The following ZNF462 variants were observed in gnomAD, a reference collection of about 807,000 sequenced individuals.
ZNF462 encodes zinc finger PBX1-interacting protein.
Under a neutral mutation model 201.9 loss-of-function variants are expected in ZNF462, and 10 were observed. The observed-to-expected ratio is 0.05, with a 90% confidence interval of 0.03 to 0.08. The LOEUF is 0.08. Ranked by LOEUF, ZNF462 falls within the 10% of genes least tolerant of loss-of-function variation. The pLI is 1.00. For missense variants in ZNF462, 2,523 were observed against 3,168.3 expected, an observed-to-expected ratio of 0.80 and a Z score of 4.89; for synonymous variants, 1,227 against 1,193.3, an observed-to-expected ratio of 1.03 and a Z score of -0.58.
intron 7 of ZNF462, among the ~76,000 whole-genome samples, chr9:106,958,245 C>G (rs1831668796): frequency 6.6e-6 from 1 of 152,068 alleles, no homozygotes; most frequent in Admixed American, 6.6e-5. Flanking sequence ...TTTACAGACA[C>G]AGTAAAGGTA....
intron 8 of ZNF462, among the ~76,000 whole-genome samples, chr9:106,973,275 C>T (rs995099549): frequency 6.6e-5 from 10 of 151,630 alleles, no homozygotes; most frequent in Admixed American, 5.3e-4. Flanking sequence ...TGCTTCACAC[C>T]GAGAGGCTGT....
At position 106,919,273 on chromosome 9, in the gene ZNF462, G is replaced by A. The variant is rs1333334699; in HGVS notation, c.-30-4081G>A. On this transcript the variant is annotated intron_variant, in intron 1 of 12. Coordinates refer to ENST00000277225, the MANE Select transcript of ZNF462 (RefSeq NM_021224.6). The surrounding 1 kb of genome is among the most constrained non-coding windows in gnomAD (Gnocchi z 4.5). ...ATGGTGGCGGGCCTGTAAGAATGCT[G>A]TACAATGTCAACACCTCCCCGCTCC... 5.9e-5 allele frequency among the ~76,000 whole-genome samples: 9 copies of A among 152,166 alleles called. No homozygotes were observed. The highest frequency in any genetic ancestry group is 2.2e-4 in the African/African-American group (9 of 41,446).
rs1023627462 is a variant in ZNF462 at position 106,917,840 on chromosome 9, AT to A, written c.-30-5507del. Among the ~76,000 whole-genome samples, 4 of 149,592 alleles carry A rather than the reference AT, an allele frequency of 2.7e-5. No individual in the cohort carries two copies. Among genetic ancestry groups the A allele is most frequent in the South Asian group, 2.1e-4 (1 of 4,758 alleles). On this transcript the variant is annotated intron_variant, in intron 1 of 12. Coordinates refer to ENST00000277225, the MANE Select transcript of ZNF462 (RefSeq NM_021224.6). This position sits in a 1 kb window ranked among gnomAD's most constrained non-coding sequence, Gnocchi z 4.5. Reference sequence around the variant, plus strand: ...TGTTGGTTTATTTTGCTGGTTTATTATTTTTTTATATTTATTTATTTATTTA... The same window carrying A: ...TGTTGGTTTATTTTGCTGGTTTATTATTTTTTATATTTATTTATTTATTTA...
At chr9:106,871,022 A>T (rs1827567358) in intron 1 of ZNF462, among the ~76,000 whole-genome samples, 1 of 152,138 alleles carries the variant, frequency 6.6e-6, no homozygotes, top group Non-Finnish European at 1.5e-5. Flanking sequence ...GTGGGAGCCG[A>T]TGTCCTCTAA....
chr9:106,947,228 A>G (rs1017613777), intron 7 of ZNF462, among the ~76,000 whole-genome samples: 1 of 152,190 alleles, frequency 6.6e-6, no homozygotes, highest in Non-Finnish European at 1.5e-5. Context: ...CTGAGAATTT[A>G]GGGCCCAGCT....
In ZNF462 at chr9:106,935,404, C is replaced by A; in HGVS notation, c.6117-99C>A. 1 of 968,346 alleles carries A rather than the reference C, an allele frequency of 1.0e-6. No homozygotes were observed. The highest frequency in any genetic ancestry group is 1.6e-6 in the Non-Finnish European group (1 of 633,594). The allele number at this position is 968,346 out of a possible 1,614,324, so 60.0% of individuals were successfully genotyped here. On this transcript the variant is annotated intron_variant, in intron 5 of 12. Coordinates refer to ENST00000277225, the MANE Select transcript of ZNF462 (RefSeq NM_021224.6). The surrounding 1 kb of genome is among the most constrained non-coding windows in gnomAD (Gnocchi z 4.1). ...GGAAAGTAAACAAAAGGACTTTGAA[C>A]GACCTAGAAGTAGGATTCCTGGAAA...
At position 107,011,158 on chromosome 9, in the gene ZNF462, A is replaced by C; in HGVS notation, c.*128A>C. 1 of 820,306 alleles carries C rather than the reference A, an allele frequency of 1.2e-6. No homozygotes were observed. The highest frequency in any genetic ancestry group is 1.9e-6 in the Non-Finnish European group (1 of 529,508). 50.8% of individuals were successfully genotyped at this position (820,306 alleles called of 1,614,324 possible). A position where few individuals can be genotyped will look rare whatever the true frequency, so the allele number is the denominator to read the frequency against. ...CAAAGCTGCTTTTTAGGACTGAACAATCTATTTTCAAAGCACTGGTACCTG... is the reference window on the plus strand; with the variant it reads ...CAAAGCTGCTTTTTAGGACTGAACACTCTATTTTCAAAGCACTGGTACCTG... On this transcript the variant is annotated 3_prime_UTR_variant, in exon 13 of 13. Coordinates refer to ENST00000277225, the MANE Select transcript of ZNF462 (RefSeq NM_021224.6). The surrounding 1 kb of genome is among the most constrained non-coding windows in gnomAD (Gnocchi z 5.6).
At chr9:106,959,894 G>A (rs898074900) in intron 7 of ZNF462, among the ~76,000 whole-genome samples, 6 of 152,048 alleles carry the variant, frequency 3.9e-5, no homozygotes, top group African/African-American at 1.4e-4. Flanking sequence ...TTTCTGTGGG[G>A]TGAGTTTGGA....
At chr9:106,931,420 C>T (rs914802909) in intron 4 of ZNF462, among the ~76,000 whole-genome samples, 4 of 152,210 alleles carry the variant, frequency 2.6e-5, no homozygotes, top group Non-Finnish European at 5.9e-5. Flanking sequence ...GGGTTCTGCC[C>T]TTTCTCTAAG....
Position 106,928,624 on chromosome 9 carries a change from A to G in ZNF462, c.4712A>G (p.Lys1571Arg), listed in dbSNP as rs1169031977. The change falls in exon 3 of 13, where the codon AAG (lysine) becomes AGG (arginine). Residue 1571 changes from lysine to arginine, a missense_variant. Physicochemically the swap from Lys to Arg is conservative, Grantham distance 26. Transcript: ENST00000277225. The surrounding 1 kb of genome is among the most constrained non-coding windows in gnomAD (Gnocchi z 9.3). The part of the protein sequence containing the change: ...NDVEETSRIF[K>R]QGYGAYRCKL... ...GTGGAGGAGACGAGCAGGATCTTCA[A>G]GCAAGGGTATGGCGCCTACCGGTGC... is the stretch of plus-strand genomic sequence containing the variant. 6.2e-7 allele frequency: 1 copy of G among 1,614,160 alleles called. No homozygotes were observed. Among genetic ancestry groups the G allele is most frequent in the Admixed American group, 1.7e-5 (1 of 60,026 alleles).
In ZNF462 at chr9:106,993,592, G is replaced by C. The variant is rs1478731477; in HGVS notation, c.7056+9183G>C. Among the ~76,000 whole-genome samples the C allele has an allele frequency of 1.3e-5, 2 of 151,802 alleles. No homozygotes were observed. The highest frequency in any genetic ancestry group is 1.5e-5 in the Non-Finnish European group (1 of 67,914). Reference sequence around the variant, plus strand: ...TGGGTCCTCTAGAAGGTTGACTAGTGTAGTCTCTCCCTCCTCTCCCCCTCC... The same window carrying C: ...TGGGTCCTCTAGAAGGTTGACTAGTCTAGTCTCTCCCTCCTCTCCCCCTCC... On this transcript the variant is annotated intron_variant, in intron 10 of 12. Transcript: ENST00000277225. This position sits in a 1 kb window ranked among gnomAD's most constrained non-coding sequence, Gnocchi z 4.0.
intron 9 of ZNF462, among the ~76,000 whole-genome samples, chr9:106,976,880 T>C (rs1241783031): frequency 6.6e-6 from 1 of 152,114 alleles, no homozygotes; most frequent in Non-Finnish European, 1.5e-5. Context: ...TTGACGAACA[T>C]GAAATGTCTA....
chr9:106,860,358 C>T (rs1371169560), upstream of ZNF462, among the ~76,000 whole-genome samples: 2 of 152,168 alleles, frequency 1.3e-5, no homozygotes, highest in Non-Finnish European at 2.9e-5. This position sits in a 1 kb window ranked among gnomAD's most constrained non-coding sequence, Gnocchi z 7.1. Context: ...CTCACGTTCT[C>T]GCAAAAGGCT....
Position 107,003,277 on chromosome 9 carries a change from G to A in ZNF462, c.7057-17G>A, listed in dbSNP as rs201107737. The A allele has an allele frequency of 6.2e-7, 1 of 1,613,212 alleles. No individual in the cohort carries two copies. Among genetic ancestry groups the A allele is most frequent in the Non-Finnish European group, 8.5e-7 (1 of 1,179,514 alleles). On this transcript the variant is annotated splice_polypyrimidine_tract_variant and intron_variant, in intron 10 of 12. Coordinates refer to ENST00000277225, the MANE Select transcript of ZNF462 (RefSeq NM_021224.6). The surrounding 1 kb of genome is among the most constrained non-coding windows in gnomAD (Gnocchi z 4.4). ...TCTGCGGTTTATTATTCCATCATTT[G>A]TTTGGGCCTTTTTCAGGTAAGCCGT...
At chr9:106,861,870 CCTTA>C (rs1827076306), upstream of ZNF462, among the ~76,000 whole-genome samples, 1 of 152,196 alleles carries the variant, frequency 6.6e-6, no homozygotes, top group Admixed American at 6.5e-5. Context: ...CACCATGACA[CCTTA>C]TCATTAAGAG....
intron 1 of ZNF462, among the ~76,000 whole-genome samples, chr9:106,899,163 C>G (rs1250765524): frequency 1.4e-5 from 2 of 144,430 alleles, no homozygotes; most frequent in Non-Finnish European, 1.5e-5. Context: ...CTATAATTTC[C>G]CTAGAGAAGA....
At chr9:106,868,992 C>T (rs535463163) in intron 1 of ZNF462, among the ~76,000 whole-genome samples, 5 of 151,168 alleles carry the variant, frequency 3.3e-5, no homozygotes, top group East Asian at 3.9e-4. Context: ...TGTTAGCTCC[C>T]GGGTTTGTAG....
rs960953633 is a variant in ZNF462 at position 107,008,412 on chromosome 9, T to C, written c.7190-1133T>C. 2.0e-5 allele frequency among the ~76,000 whole-genome samples: 3 copies of C among 152,180 alleles called. No homozygotes were observed. Among genetic ancestry groups the C allele is most frequent in the Non-Finnish European group, 2.9e-5 (2 of 68,020 alleles). ...GGCATCACAGAGCCCCCCATCCTGT[T>C]AACATCGTCCTGAGAATCTTATTAG... On this transcript the variant is annotated intron_variant, in intron 11 of 12. Coordinates refer to ENST00000277225, the MANE Select transcript of ZNF462 (RefSeq NM_021224.6). The surrounding 1 kb of genome is among the most constrained non-coding windows in gnomAD (Gnocchi z 4.8).
At chr9:106,893,292 G>A (rs1828670428) in intron 1 of ZNF462, among the ~76,000 whole-genome samples, 1 of 152,168 alleles carries the variant, frequency 6.6e-6, no homozygotes, top group Non-Finnish European at 1.5e-5. Flanking sequence ...CACCATGGAT[G>A]ACTCACCCAC....
Sources: gnomAD v4.1 joint callset for allele counts (sites outside exome capture counted in the v4.1 genomes callset) on GRCh38, gnomAD v4.1.1 for gene constraint, Gnocchi (gnomAD v3.1) non-coding constraint, MANE v1.5 for transcripts, NCBI Gene and HGNC (gene_info 2026-07-23, HGNC 2026-07-21) for gene names.